NRG1: variants seen among roughly 807,000 people sequenced by gnomAD.
The protein encoded by NRG1 is pro-neuregulin-1, membrane-bound isoform.
Under a neutral mutation model 63.8 loss-of-function variants are expected in NRG1, and 18 were observed. The observed-to-expected ratio is 0.28, with a 90% CI of 0.19 to 0.42. NRG1 has a LOEUF of 0.42. Among genes scored for constraint, NRG1 ranks in the 10% least tolerant of loss-of-function variants. NRG1 has a pLI of 1.00. For missense variants in NRG1, 762 were observed against 814.7 expected (o/e 0.94, Z 0.79); for synonymous variants, 302 against 301.3 (o/e 1.00, Z -0.02).
At chr8:31,868,500 C>T (rs532185257) in intron 1 of NRG1, among the ~76,000 whole-genome samples, 13 of 152,296 alleles carry the variant, frequency 8.5e-5, no homozygotes, top group African/African-American at 3.1e-4. Context: ...CTATGCCATA[C>T]TCAAGACCTA....
chr8:31,844,867 A>G (rs1339153781), intron 1 of NRG1, among the ~76,000 whole-genome samples: 1 of 152,036 alleles, frequency 6.6e-6, no homozygotes, highest in African/African-American at 2.4e-5. Flanking sequence ...AGAGCAAGTA[A>G]TCCCAGCACT....
chr8:32,243,120 A>G (rs1848273161), intron 1 of NRG1, among the ~76,000 whole-genome samples: 1 of 151,872 alleles, frequency 6.6e-6, no homozygotes, highest in African/African-American at 2.4e-5. Context: ...AAATTTTTCC[A>G]TTTTAAAAGG....
chr8:32,190,410 C>CT (rs1186434959), intron 1 of NRG1, among the ~76,000 whole-genome samples: 1 of 152,076 alleles, frequency 6.6e-6, no homozygotes, highest in Non-Finnish European at 1.5e-5. Flanking sequence ...AAATCCTGAG[C>CT]TTTTTCTTGA....
At chr8:32,253,133 A>T (rs1052446304) in intron 1 of NRG1, among the ~76,000 whole-genome samples, 1 of 152,214 alleles carries the variant, frequency 6.6e-6, no homozygotes, top group Admixed American at 6.5e-5. Flanking sequence ...CAATCATGTC[A>T]TCTACAAACA....
chr8:32,418,333 TTA>T (rs1362607373), intron 1 of NRG1, among the ~76,000 whole-genome samples: 3 of 151,842 alleles, frequency 2.0e-5, no homozygotes, highest in Non-Finnish European at 4.4e-5. Context: ...TAATAATATA[TTA>T]TCTTTAACCT....
intron 1 of NRG1, among the ~76,000 whole-genome samples, chr8:31,791,693 T>C (rs1179192383): frequency 6.6e-6 from 1 of 152,164 alleles, no homozygotes; most frequent in African/African-American, 2.4e-5. Context: ...CTGGATGTTT[T>C]AGGCTGCTGT....
At chr8:32,754,513 G>A in intron 8 of NRG1, 39 bp downstream of exon 8, 3 of 1,583,772 alleles carry the variant, frequency 1.9e-6, no homozygotes, top group Non-Finnish European at 1.7e-6. Context: ...TCTCCTTCAT[G>A]CAGAGACAGC....
intron 1 of NRG1, chr8:32,030,440 A>G (rs1321299030): frequency 6.6e-6 from 1 of 152,180 alleles, no homozygotes; most frequent in Non-Finnish European, 1.5e-5. Context: ...AGTCACCCCG[A>G]TGCTGTCTTT....
At chr8:32,174,548 G>C (rs1030052144) in intron 1 of NRG1, among the ~76,000 whole-genome samples, 20 of 152,096 alleles carry the variant, frequency 1.3e-4, no homozygotes, top group African/African-American at 4.6e-4. Context: ...TCCAGGAGCT[G>C]GTTTTCTGAA....
intron 1 of NRG1, among the ~76,000 whole-genome samples, chr8:32,476,762 A>G (rs1235882821): frequency 6.6e-6 from 1 of 152,198 alleles, no homozygotes; most frequent in African/African-American, 2.4e-5. Flanking sequence ...GGAAAGAATA[A>G]CACAGAGACA....
intron 5 of NRG1, among the ~76,000 whole-genome samples, chr8:32,714,120 C>T (rs1818570367): frequency 6.6e-6 from 1 of 152,134 alleles, no homozygotes; most frequent in African/African-American, 2.4e-5. Flanking sequence ...CCCCTCCACC[C>T]AACCGAAAAG....
chr8:31,897,696 C>T (rs1585589216), intron 1 of NRG1, among the ~76,000 whole-genome samples: 1 of 152,070 alleles, frequency 6.6e-6, no homozygotes, highest in South Asian at 2.1e-4. Context: ...TAGACTATAA[C>T]TTGACTCTTT....
intron 1 of NRG1, among the ~76,000 whole-genome samples, chr8:32,519,976 A>G (rs1471006647): frequency 6.6e-6 from 1 of 152,082 alleles, no homozygotes; most frequent in African/African-American, 2.4e-5. Flanking sequence ...TACTGCTTGC[A>G]ATCCACATGT....
intron 1 of NRG1, among the ~76,000 whole-genome samples, chr8:32,059,645 G>C (rs971090726): frequency 6.6e-6 from 1 of 151,950 alleles, no homozygotes; most frequent in Non-Finnish European, 1.5e-5. Context: ...TCAAGTACTA[G>C]TTTTATTCCT....
At chr8:31,751,576 T>C (rs776537053) in intron 1 of NRG1, among the ~76,000 whole-genome samples, 8 of 152,022 alleles carry the variant, frequency 5.3e-5, no homozygotes, top group Non-Finnish European at 1.0e-4. Context: ...AATGGGAAGC[T>C]TGAATCAAAG....
At chr8:31,839,651 T>G (rs766832702) in intron 1 of NRG1, among the ~76,000 whole-genome samples, 3 of 152,220 alleles carry the variant, frequency 2.0e-5, no homozygotes, top group African/African-American at 7.2e-5. Flanking sequence ...TCTTTTCAAC[T>G]GCATAAGCCC....
rs566717992 is a variant in NRG1 at position 32,332,252 on chromosome 8, A to C, written c.38-263576A>C. Reference sequence around the variant, plus strand: ...TTGCTGTCTTTGGCCTTAAAGGAAAAACACAAACACAGCAGCCTCGTGTTC... The same window carrying C: ...TTGCTGTCTTTGGCCTTAAAGGAAACACACAAACACAGCAGCCTCGTGTTC... On this transcript the variant is annotated intron_variant, in intron 1 of 10. Transcript: ENST00000519301. 7.4e-4 allele frequency among the ~76,000 whole-genome samples: 113 copies of C among 152,320 alleles called. 1 individual carries two copies. The highest frequency in any genetic ancestry group is 2.5e-3 in the African/African-American group (105 of 41,574).
At chr8:32,705,749 A>T (rs1816238972) in intron 5 of NRG1, among the ~76,000 whole-genome samples, 1 of 152,238 alleles carries the variant, frequency 6.6e-6, no homozygotes, top group Non-Finnish European at 1.5e-5. Context: ...ATTGGTGTAT[A>T]TCAAGTTTAA....
chr8:32,752,638 G>A (rs1828960762), intron 7 of NRG1, among the ~76,000 whole-genome samples: 1 of 151,998 alleles, frequency 6.6e-6, no homozygotes, highest in South Asian at 2.1e-4. Flanking sequence ...TTAGTATCAG[G>A]CATGCTGTGC....
Sources: gnomAD v4.1 joint callset for allele counts (sites outside exome capture counted in the v4.1 genomes callset) on GRCh38, gnomAD v4.1.1 for gene constraint, MANE v1.5 for transcripts, NCBI Gene and HGNC (gene_info 2026-07-23, HGNC 2026-07-21) for gene names.